The following FBXL13 variants were observed in gnomAD, a reference collection of about 807,000 sequenced individuals.
FBXL13 encodes F-box and leucine rich repeat protein 13.
In FBXL13, 67 loss-of-function variants were observed where a neutral mutation model predicts 83.6. The ratio of observed to expected loss-of-function variants is 0.80; its 90% CI spans 0.66 to 0.98. The LOEUF (loss-of-function observed/expected upper bound fraction) is 0.98, where lower values mean the gene tolerates loss of function less well. Among genes scored for constraint, FBXL13 ranks in the 50% least tolerant of loss-of-function variants. FBXL13 has a pLI of 0.00. For synonymous variants in FBXL13, 272 were observed against 299.5 expected (o/e 0.91, Z 0.95); for missense variants, 822 against 866.5 (o/e 0.95, Z 0.64).
At chr7:102,917,087 T>C (rs1047074288) in intron 10 of FBXL13, among the ~76,000 whole-genome samples, 1 of 152,124 alleles carries the variant, frequency 6.6e-6, no homozygotes, top group Non-Finnish European at 1.5e-5. Context: ...TTCTTTTGAG[T>C]TGAGTGTTGG....
At chr7:102,812,482 T>G (rs1478941179), downstream of FBXL13, among the ~76,000 whole-genome samples, 1 of 152,232 alleles carries the variant, frequency 6.6e-6, no homozygotes. Context: ...AAGTCAAATG[T>G]TGAGATAAGT....
chr7:102,980,503 T>C (rs1828059203), intron 6 of FBXL13, among the ~76,000 whole-genome samples: 2 of 152,092 alleles, frequency 1.3e-5, no homozygotes, highest in South Asian at 4.2e-4. Context: ...ACCAGCCGGG[T>C]GCGGTGGCTT....
intron 2 of FBXL13, among the ~76,000 whole-genome samples, chr7:103,035,623 GA>G (rs1332258991): frequency 2.6e-5 from 4 of 151,490 alleles, no homozygotes; most frequent in African/African-American, 4.8e-5. Flanking sequence ...AACAGCTATA[GA>G]AAAAAAGTTT....
intron 17 of FBXL13, among the ~76,000 whole-genome samples, chr7:102,843,115 G>T (rs986791933): frequency 6.6e-6 from 1 of 152,190 alleles, no homozygotes; most frequent in Non-Finnish European, 1.5e-5. Context: ...TATCATAAAA[G>T]GTTATGAAGA....
chr7:102,939,551 C>A, intron 8 of FBXL13: 3 of 1,613,962 alleles, frequency 1.9e-6, no homozygotes, highest in Non-Finnish European at 2.5e-6. Flanking sequence ...AGAAATTAAA[C>A]CTCAGCAGCA....
intron 11 of FBXL13, among the ~76,000 whole-genome samples, chr7:102,887,079 C>T (rs1004641408): frequency 1.3e-5 from 2 of 152,182 alleles, no homozygotes; most frequent in South Asian, 2.1e-4. Flanking sequence ...GGGTGCAATA[C>T]AGTTACAAGT....
At chr7:103,020,714 G>A (rs1004313393) in intron 6 of FBXL13, among the ~76,000 whole-genome samples, 5 of 152,162 alleles carry the variant, frequency 3.3e-5, no homozygotes, top group Non-Finnish European at 5.9e-5. Context: ...GCCAAATCAT[G>A]AGTGAACTTC....
intron 11 of FBXL13, among the ~76,000 whole-genome samples, chr7:102,905,933 T>C (rs1001975781): frequency 6.6e-6 from 1 of 152,182 alleles, no homozygotes; most frequent in African/African-American, 2.4e-5. Flanking sequence ...TCCGTTTTCA[T>C]GCTGCTCATA....
chr7:102,845,354 C>T (rs1803751999), intron 17 of FBXL13, among the ~76,000 whole-genome samples: 1 of 152,148 alleles, frequency 6.6e-6, no homozygotes. Flanking sequence ...ATACCTATTA[C>T]CCCTATTGCT....
intron 8 of FBXL13, among the ~76,000 whole-genome samples, chr7:102,955,722 A>G (rs1367870208): frequency 6.6e-6 from 1 of 152,098 alleles, no homozygotes; most frequent in Non-Finnish European, 1.5e-5. Flanking sequence ...TCCCACAGAA[A>G]TACAAACTAC....
At chr7:102,869,131 C>T (rs1808171401) in intron 16 of FBXL13, among the ~76,000 whole-genome samples, 1 of 152,194 alleles carries the variant, frequency 6.6e-6, no homozygotes, top group Non-Finnish European at 1.5e-5. Flanking sequence ...TGCACATCCT[C>T]GCCTGCATTT....
intron 8 of FBXL13, among the ~76,000 whole-genome samples, chr7:102,945,562 C>T (rs1289849714): frequency 6.6e-6 from 1 of 151,940 alleles, no homozygotes; most frequent in Non-Finnish European, 1.5e-5. Flanking sequence ...TTTGGGTTTG[C>T]AGGTTAAAAT....
Position 103,040,687 on chromosome 7 carries a change from A to G in FBXL13, c.1-11269T>C, listed in dbSNP as rs550730219. ...TAATAAACTCACTCAAAACTGTACA[A>G]CTACATGGAAACTGAACAACCTGCT... On this transcript the variant is annotated intron_variant, in intron 2 of 19. Coordinates refer to ENST00000313221, the Ensembl canonical transcript of FBXL13. Among the ~76,000 whole-genome samples the G allele has an allele frequency of 2.6e-5, 4 of 152,360 alleles. No homozygotes were observed. The South Asian group carries it at 8.3e-4, about 32-fold the overall frequency.
intron 17 of FBXL13, among the ~76,000 whole-genome samples, chr7:102,837,193 T>C (rs1419794856): frequency 6.6e-6 from 1 of 152,164 alleles, no homozygotes; most frequent in Non-Finnish European, 1.5e-5. Context: ...TCAGAGCAAG[T>C]GGGACTGGTC....
chr7:103,042,873 G>A (rs1489792941), intron 2 of FBXL13, among the ~76,000 whole-genome samples: 1 of 152,116 alleles, frequency 6.6e-6, no homozygotes, highest in Non-Finnish European at 1.5e-5. Context: ...AACCCTAGAA[G>A]AAAACCTAAG....
At chr7:102,906,839 G>A (rs889617122) in intron 11 of FBXL13, among the ~76,000 whole-genome samples, 26 of 152,254 alleles carry the variant, frequency 1.7e-4, no homozygotes, top group Non-Finnish European at 3.5e-4. Context: ...CTTTGGGTTA[G>A]ATCTGCTTGA....
chr7:103,007,888 C>G lies in FBXL13; in HGVS notation c.495+17175G>C, dbSNP rs539783852. ...AAGGATATCCAATCAGTGGGCCATC[C>G]TGGCACAGGGTTTCGAGCTCAAGAA... On this transcript the variant is annotated intron_variant, in intron 6 of 19. Coordinates refer to ENST00000313221, the Ensembl canonical transcript of FBXL13. Among the ~76,000 whole-genome samples the G allele has an allele frequency of 2.8e-4, 43 of 152,230 alleles. 1 individual carries two copies. In the South Asian group the frequency reaches 8.3e-3, roughly 29 times the overall value.
At chr7:102,882,419 T>C (rs939198947) in intron 14 of FBXL13, among the ~76,000 whole-genome samples, 9 of 152,126 alleles carry the variant, frequency 5.9e-5, no homozygotes, top group African/African-American at 1.9e-4. Context: ...GAATTCTACA[T>C]AGGTAAGAGT....
intron 8 of FBXL13, chr7:102,936,358 T>C (rs1000196679): frequency 1.2e-4 from 19 of 152,214 alleles, no homozygotes; most frequent in African/African-American, 4.3e-4. Context: ...TCTTGGTCTA[T>C]CTGAGCCAGA....
Sources: allele counts gnomAD v4.1 joint callset (sites outside exome capture counted in the v4.1 genomes callset), GRCh38; gene constraint gnomAD v4.1.1; transcripts MANE v1.5; gene names NCBI Gene and HGNC (gene_info 2026-07-23, HGNC 2026-07-21).